CASK: variants seen among roughly 807,000 people sequenced by gnomAD.
The protein encoded by CASK is peripheral plasma membrane protein CASK.
Under a neutral mutation model 82.9 loss-of-function variants are expected in CASK, and 4 were observed. The ratio of observed to expected loss-of-function variants is 0.05; its 90% CI spans 0.02 to 0.11. The LOEUF (loss-of-function observed/expected upper bound fraction) is 0.11, where lower values mean the gene tolerates loss of function less well. Ranked by LOEUF, CASK falls within the 10% of genes least tolerant of loss-of-function variation. The pLI, the probability that CASK is intolerant of heterozygous loss-of-function variation, is 1.00. For missense variants in CASK, 358 were observed against 720.9 expected (o/e 0.50, Z 5.76); for synonymous variants, 259 against 253.5 (o/e 1.02, Z -0.20).
intron 2 of CASK, among the ~76,000 whole-genome samples, chrX:41,828,169 A>G (rs1219480621): frequency 8.9e-6 from 1 of 112,045 alleles, no homozygotes; most frequent in Non-Finnish European, 1.9e-5. Context: ...AATGTCTGGC[A>G]TGTCTGACTC....
chrX:41,771,335 T>C (rs1360801875), intron 3 of CASK, among the ~76,000 whole-genome samples: 1 of 111,546 alleles, frequency 9.0e-6, no homozygotes, highest in African/African-American at 3.3e-5. Context: ...AATGGAAAGT[T>C]TGCATCCAGC....
At chrX:41,697,434 CCA>C (rs1473764971) in intron 5 of CASK, among the ~76,000 whole-genome samples, 1 of 112,117 alleles carries the variant, frequency 8.9e-6, no homozygotes, top group Non-Finnish European at 1.9e-5. Context: ...GTCATTTCAG[CCA>C]CAGTTTGATA....
At chrX:41,587,369 T>G (rs1382467129) in intron 13 of CASK, 1 of 127,192 alleles carries the variant, frequency 7.9e-6, no homozygotes, top group Non-Finnish European at 1.6e-5. Flanking sequence ...TCTTTTATAT[T>G]AACAGCACTG....
chrX:41,565,997 C>A (rs976339909), intron 16 of CASK, among the ~76,000 whole-genome samples: 1 of 111,896 alleles, frequency 8.9e-6, no homozygotes, highest in Non-Finnish European at 1.9e-5. Flanking sequence ...ATGATTATCT[C>A]AACAGATGCA....
intron 2 of CASK, among the ~76,000 whole-genome samples, chrX:41,804,410 T>C (rs888250156): frequency 4.5e-5 from 5 of 111,812 alleles, no homozygotes; most frequent in African/African-American, 9.8e-5. Context: ...CCATGCCATA[T>C]TGAGCTCTGA....
At chrX:41,646,762 T>C (rs1368679174) in intron 8 of CASK, among the ~76,000 whole-genome samples, 2 of 111,448 alleles carry the variant, frequency 1.8e-5, no homozygotes, top group African/African-American at 3.3e-5. Context: ...TATCAAAATT[T>C]AGACGAATAA....
In CASK at chrX:41,829,696, GATATATATATATATATATATATAT is replaced by G. The variant is rs55730177; in HGVS notation, c.172+23395_172+23418del. ...CAGGGATGCAAATGCTAGGTCACAA[GATATATATATATATATATATATAT>G]ATATATATATATATATATATATATA... is the stretch of plus-strand genomic sequence containing the variant. On this transcript the variant is annotated intron_variant, in intron 2 of 26. Transcript: ENST00000378163. Among the ~76,000 whole-genome samples, 129 of 16,267 alleles carry G rather than the reference GATATATATATATATATATATATAT, an allele frequency of 7.9e-3. 4 individuals are homozygous for G. The East Asian group carries it at 0.15, about 19-fold the overall frequency. The allele number at this position is 16,267 out of a possible 115,157, so 14.1% of individuals were successfully genotyped here.
At chrX:41,635,758 G>A (rs1344991987) in intron 9 of CASK, 1 of 102,720 alleles carries the variant, frequency 9.7e-6, no homozygotes, top group African/African-American at 3.6e-5. Flanking sequence ...GTAGTAAGAG[G>A]GAGAAAGACA....
intron 8 of CASK, among the ~76,000 whole-genome samples, chrX:41,648,058 T>C (rs1235863850): frequency 8.9e-6 from 1 of 112,208 alleles, no homozygotes; most frequent in African/African-American, 3.2e-5. Flanking sequence ...AGAGCCATAT[T>C]TCTCTTCTTT....
intron 11 of CASK, among the ~76,000 whole-genome samples, chrX:41,613,948 C>T (rs926169275): frequency 2.7e-5 from 3 of 111,948 alleles, no homozygotes; most frequent in Non-Finnish European, 5.6e-5. Context: ...TGTGGCTGTC[C>T]ACGTGGAAAT....
At chrX:41,797,255 G>A (rs1222968881) in intron 2 of CASK, among the ~76,000 whole-genome samples, 1 of 109,136 alleles carries the variant, frequency 9.2e-6, no homozygotes, top group Non-Finnish European at 1.9e-5. Context: ...CCGGCCCCCT[G>A]CTCTCTGTCC....
chrX:41,811,920 C>T (rs1319194266), intron 2 of CASK, among the ~76,000 whole-genome samples: 3 of 111,453 alleles, frequency 2.7e-5, no homozygotes, highest in African/African-American at 9.8e-5. Flanking sequence ...ACCACCAATC[C>T]CACAGAAATA....
intron 14 of CASK, among the ~76,000 whole-genome samples, chrX:41,583,131 C>T (rs1351454976): frequency 9.0e-6 from 1 of 111,581 alleles, no homozygotes; most frequent in African/African-American, 3.3e-5. Context: ...GCTAGGTATT[C>T]AATAAATTAT....
chrX:41,524,045 A>G lies in CASK; in HGVS notation c.2521-11T>C, dbSNP rs774486148. On this transcript the variant is annotated splice_polypyrimidine_tract_variant and intron_variant, in intron 25 of 26. Coordinates refer to ENST00000378163, the MANE Select transcript of CASK (RefSeq NM_001367721.1). ...CAGGACCTTCAGTGCCTGTGTTAAGAAAAAAAAAAAAAATCCCGACTTAAA... is the reference window on the plus strand; with the variant it reads ...CAGGACCTTCAGTGCCTGTGTTAAGGAAAAAAAAAAAAATCCCGACTTAAA... 8.4e-5 allele frequency: 34 copies of G among 403,724 alleles called. No homozygotes were observed. The highest frequency in any genetic ancestry group is 1.4e-5 in the Non-Finnish European group (4 of 291,821). The allele number at this position is 403,724 out of a possible 1,213,427, so 33.3% of individuals were successfully genotyped here. A position where few individuals can be genotyped will look rare whatever the true frequency, so the allele number is the denominator to read the frequency against.
intron 2 of CASK, among the ~76,000 whole-genome samples, chrX:41,837,201 T>C (rs916940278): frequency 1.1e-4 from 12 of 112,217 alleles, no homozygotes; most frequent in African/African-American, 3.6e-4. Flanking sequence ...GCAAAAGTAG[T>C]ACAGAGATTT....
intron 15 of CASK, among the ~76,000 whole-genome samples, chrX:41,577,570 C>T (rs182312657): frequency 1.0e-3 from 115 of 112,065 alleles, no homozygotes; most frequent in African/African-American, 3.6e-3. Flanking sequence ...AGCCACTCAC[C>T]TTGCTGTCTG....
At chrX:41,879,633 A>C (rs961872220) in intron 1 of CASK, among the ~76,000 whole-genome samples, 2 of 111,545 alleles carry the variant, frequency 1.8e-5, no homozygotes, top group African/African-American at 6.5e-5. Context: ...AATTTAGCTA[A>C]TGGCATTAAG....
intron 2 of CASK, among the ~76,000 whole-genome samples, chrX:41,828,469 ACT>A (rs941844459): frequency 4.1e-4 from 46 of 111,637 alleles, no homozygotes; most frequent in Non-Finnish European, 7.3e-4. Context: ...ATATATTAAA[ACT>A]GTTAAAAAAA....
chrX:41,715,286 G>A (rs2068040985), intron 5 of CASK, among the ~76,000 whole-genome samples: 1 of 111,827 alleles, frequency 8.9e-6, no homozygotes, highest in South Asian at 3.7e-4. Context: ...GGAAATTTGA[G>A]GAGTGCATTA....
Sources: allele counts gnomAD v4.1 joint callset (sites outside exome capture counted in the v4.1 genomes callset), GRCh38; gene constraint gnomAD v4.1.1; transcripts MANE v1.5; gene names NCBI Gene and HGNC (gene_info 2026-07-23, HGNC 2026-07-21).